The following TTC19 variants were observed in gnomAD, a reference collection of about 807,000 sequenced individuals.
TTC19 encodes tetratricopeptide repeat domain 19.
A neutral mutation model predicts 49.5 loss-of-function variants in TTC19; 38 were observed. That is an observed-to-expected ratio of 0.77 (90% CI 0.59 to 1.01). The LOEUF (loss-of-function observed/expected upper bound fraction) is 1.01. Ranked by LOEUF, TTC19 falls within the 50% of genes least tolerant of loss-of-function variation. The pLI is 0.00. For synonymous variants in TTC19, 204 were observed against 185.2 expected (o/e 1.10, Z -0.83); for missense variants, 475 against 477.7 (o/e 0.99, Z 0.05).
chr17:16,024,601 G>A (rs1334471303), intron 7 of TTC19: 11 of 255,382 alleles, frequency 4.3e-5, no homozygotes, highest in Admixed American at 2.1e-4. Context: ...CACCGCGCCC[G>A]GCCTTTACGT....
At chr17:16,035,405 T>C (rs752974976) in intron 2 of TTC19, among the ~76,000 whole-genome samples, 2 of 152,172 alleles carry the variant, frequency 1.3e-5, no homozygotes, top group Non-Finnish European at 2.9e-5. Flanking sequence ...CAGGGGCAGA[T>C]TCAATCTCAA....
intron 7 of TTC19, among the ~76,000 whole-genome samples, chr17:16,019,528 G>A (rs1971309381): frequency 6.6e-6 from 1 of 152,172 alleles, no homozygotes; most frequent in Non-Finnish European, 1.5e-5. Flanking sequence ...TGTCTGCTGG[G>A]TTGCGTCTGT....
At chr17:16,039,015 C>T (rs1231465130) in intron 2 of TTC19, among the ~76,000 whole-genome samples, 1 of 152,146 alleles carries the variant, frequency 6.6e-6, no homozygotes, top group Non-Finnish European at 1.5e-5. Context: ...GTGATCCGCC[C>T]GCCTCCGCCC....
At chr17:16,037,835 T>C (rs575783322) in intron 2 of TTC19, among the ~76,000 whole-genome samples, 2 of 152,330 alleles carry the variant, frequency 1.3e-5, no homozygotes, top group East Asian at 3.9e-4. Context: ...CCTCTGACTG[T>C]GCTCTAAAAG....
chr17:16,001,098 G>A (rs1159312139), intron 2 of TTC19, among the ~76,000 whole-genome samples: 2 of 151,770 alleles, frequency 1.3e-5, no homozygotes, highest in Admixed American at 1.3e-4. Context: ...GTCTTTCCTG[G>A]CCTCCTGGCC....
Position 16,002,139 on chromosome 17 carries a change from C to G in TTC19, c.423+114C>G, listed in dbSNP as rs1970757353. On this transcript the variant is annotated intron_variant, in intron 3 of 9. Coordinates refer to ENST00000261647, the MANE Select transcript of TTC19 (RefSeq NM_017775.4). ...TTCACGATGTTCTAAAACTCCTTTT[C>G]TTTTTACTGAGTTTTCTTTTGGCTT... 5 of 788,832 alleles carry G rather than the reference C, an allele frequency of 6.3e-6. No homozygotes were observed. In the East Asian group the frequency reaches 1.0e-4, roughly 16 times the overall value. The allele number at this position is 788,832 out of a possible 1,614,324, so 48.9% of individuals were successfully genotyped here.
intron 2 of TTC19, among the ~76,000 whole-genome samples, chr17:16,044,180 A>AAG (rs1320504358): frequency 6.6e-6 from 1 of 151,730 alleles, no homozygotes; most frequent in Non-Finnish European, 1.5e-5. Context: ...AAAAAAAAAA[A>AAG]AAAAAAAAGA....
chr17:16,002,826 G>GA lies in TTC19; in HGVS notation c.461dup (p.Asn154LysfsTer3), dbSNP rs1970783166. On this transcript the variant is annotated frameshift_variant, in exon 4 of 10. Coordinates refer to ENST00000261647, the MANE Select transcript of TTC19 (RefSeq NM_017775.4). LOFTEE classifies it high-confidence loss of function. ...CTTAGCATTTATACGGGGTCAGCTTGAAAATGTAAGTAAATTGCTTTGTAA... is the reference window on the plus strand; with the variant it reads ...CTTAGCATTTATACGGGGTCAGCTTGAAAAATGTAAGTAAATTGCTTTGTAA... 6.2e-7 allele frequency: 1 copy of GA among 1,613,892 alleles called. No individual in the cohort carries two copies. Among genetic ancestry groups the GA allele is most frequent in the Non-Finnish European group, 8.5e-7 (1 of 1,179,930 alleles).
rs1471885444 is a variant in TTC19, at chr17:16,028,817, T to TAAAAAAAAAA, written c.*1295_*1296insAAAAAAAAAA. 3 of 90,626 alleles carry TAAAAAAAAAA rather than the reference T, an allele frequency of 3.3e-5. No individual in the cohort carries two copies. Among genetic ancestry groups the TAAAAAAAAAA allele is most frequent in the Non-Finnish European group, 5.8e-5 (3 of 52,080 alleles). The allele number at this position is 90,626 out of a possible 1,614,324, so 5.6% of individuals were successfully genotyped here. ...TGTATCCCAGTAATCTTTGCATTTCTCAAAAAAAAAAAAAAAAAAAAAAAA... is the reference window on the plus strand; with the variant it reads ...TGTATCCCAGTAATCTTTGCATTTCTAAAAAAAAAACAAAAAAAAAAAAAAAAAAAAAAAA... On this transcript the variant is annotated 3_prime_UTR_variant, in exon 10 of 10. Transcript: ENST00000261647.
At chr17:16,003,985 A>G (rs1970820057) in intron 5 of TTC19, 98 bp downstream of exon 5, 4 of 1,365,360 alleles carry the variant, frequency 2.9e-6, no homozygotes. Context: ...TGCTTTGGTC[A>G]GGAAAGGTGG....
intron 2 of TTC19, chr17:16,039,254 T>C (rs1445154874): frequency 6.5e-6 from 4 of 617,228 alleles, no homozygotes; most frequent in African/African-American, 1.8e-5. Flanking sequence ...TTATTTCTGT[T>C]CATATTATAA....
chr17:16,004,624 C>G (rs931696440), intron 6 of TTC19, among the ~76,000 whole-genome samples: 1 of 152,154 alleles, frequency 6.6e-6, no homozygotes, highest in Non-Finnish European at 1.5e-5. Flanking sequence ...TCTGAAGAAG[C>G]CATTTTGCTG....
intron 7 of TTC19, among the ~76,000 whole-genome samples, chr17:16,014,840 C>T (rs1280804393): frequency 6.6e-6 from 1 of 152,162 alleles, no homozygotes; most frequent in African/African-American, 2.4e-5. Context: ...AGTTCATTGG[C>T]TGTACCTTCA....
intron 7 of TTC19, chr17:16,024,475 T>TTG (rs1971487069): frequency 6.6e-6 from 1 of 151,574 alleles, no homozygotes; most frequent in African/African-American, 2.4e-5. Context: ...TTTTTTTTTT[T>TTG]TTTGTATTTT....
chr17:16,000,988 C>T (rs1245591658), intron 2 of TTC19, among the ~76,000 whole-genome samples: 1 of 152,162 alleles, frequency 6.6e-6, no homozygotes, highest in Non-Finnish European at 1.5e-5. Flanking sequence ...AGTCCTGTTG[C>T]CAACAAATGC....
chr17:16,025,381 C>T (rs1249025926), intron 8 of TTC19, among the ~76,000 whole-genome samples: 2 of 152,132 alleles, frequency 1.3e-5, no homozygotes, highest in Non-Finnish European at 2.9e-5. Flanking sequence ...CTAGGTCTGC[C>T]CAGAACTTTT....
At chr17:16,002,654 CA>C (rs1471894052) in intron 3 of TTC19, 138 bp from the exon 4 acceptor site, 7 of 774,000 alleles carry the variant, frequency 9.0e-6, no homozygotes, top group Non-Finnish European at 1.6e-5. Context: ...CTTCTTCTTG[CA>C]GATTAATTGG....
intron 6 of TTC19, 125 bp downstream of exon 6, chr17:16,004,387 C>G: frequency 1.1e-6 from 1 of 900,592 alleles, no homozygotes; most frequent in Admixed American, 1.9e-5. Context: ...TCAAAGTGTT[C>G]CATCCCTCAT....
chr17:16,013,708 G>T (rs1971140634), intron 7 of TTC19, among the ~76,000 whole-genome samples: 1 of 152,126 alleles, frequency 6.6e-6, no homozygotes, highest in South Asian at 2.1e-4. Flanking sequence ...TTATATGGTA[G>T]GACAGTTGAC....
Sources: allele counts gnomAD v4.1 joint callset (sites outside exome capture counted in the v4.1 genomes callset), GRCh38; gene constraint gnomAD v4.1.1; transcripts MANE v1.5; gene names NCBI Gene and HGNC (gene_info 2026-07-23, HGNC 2026-07-21).